The following NHSL2 variants were observed in gnomAD, a reference collection of about 807,000 sequenced individuals.
NHSL2 encodes NHS like 2.
NHSL2 carries 27 observed loss-of-function variants against 53.4 expected under a neutral mutation model. That is an observed-to-expected ratio of 0.51 (90% CI 0.37 to 0.70). The LOEUF (loss-of-function observed/expected upper bound fraction) is 0.70. Among genes scored for constraint, NHSL2 ranks in the 30% least tolerant of loss-of-function variants. NHSL2 has a pLI of 0.00. For missense variants in NHSL2, 892 were observed against 980.1 expected, an observed-to-expected ratio of 0.91 and a Z score of 1.20; for synonymous variants, 408 against 404.1, an observed-to-expected ratio of 1.01 and a Z score of -0.12.
At chrX:71,952,775 C>T (rs1483178977) in intron 1 of NHSL2, among the ~76,000 whole-genome samples, 1 of 110,890 alleles carries the variant, frequency 9.0e-6, no homozygotes. Context: ...CTGTTGGGGT[C>T]CTCTCCCTGA....
intron 1 of NHSL2, among the ~76,000 whole-genome samples, chrX:72,058,247 C>A (rs1316762202): frequency 1.8e-5 from 2 of 112,611 alleles, no homozygotes; most frequent in Admixed American, 9.3e-5. Flanking sequence ...GTATTTGTTA[C>A]CAAAGATAAA....
At chrX:72,103,258 C>T (rs1173690577) in intron 1 of NHSL2, among the ~76,000 whole-genome samples, 1 of 111,057 alleles carries the variant, frequency 9.0e-6, no homozygotes, top group Non-Finnish European at 1.9e-5. Context: ...ATGCATCGCT[C>T]CCTCAATCCC....
intron 1 of NHSL2, among the ~76,000 whole-genome samples, chrX:72,087,905 AC>A (rs2041863778): frequency 9.0e-6 from 1 of 110,651 alleles, no homozygotes; most frequent in Admixed American, 9.6e-5. Context: ...AAAGTTGGAT[AC>A]AAAACTGGTT....
Position 72,138,589 on chromosome X carries a change from T to C in NHSL2, c.1041T>C (p.Thr347=). The part of the protein sequence containing the change: ...FPSLTSPVLR[T]PSSEPDEPHQ... Reference sequence around the variant, plus strand: ...GTCTCACCTCGCCAGTACTGAGAACTCCTTCCAGTGAGCCGGACGAACCTC... The same window carrying C: ...GTCTCACCTCGCCAGTACTGAGAACCCCTTCCAGTGAGCCGGACGAACCTC... Residue 347 remains threonine (T), a synonymous_variant, in exon 6 of 8, where the codon ACT becomes ACC. Transcript: ENST00000633930. The C allele has an allele frequency of 8.6e-7, 1 of 1,167,406 alleles. No homozygotes were observed. The highest frequency in any genetic ancestry group is 1.1e-6 in the Non-Finnish European group (1 of 872,641).
Position 72,003,197 on chromosome X carries a change from G to T in NHSL2, c.280+91830G>T, listed in dbSNP as rs372706173. Among the ~76,000 whole-genome samples the T allele has an allele frequency of 2.1e-4, 23 of 111,562 alleles. No individual in the cohort carries two copies. In the East Asian group the frequency reaches 5.6e-3, roughly 27 times the overall value. On this transcript the variant is annotated intron_variant, in intron 1 of 7. Transcript: ENST00000633930. ...TTGCTGAACAGCTGCAGGAAAATTT[G>T]TCTGGACCTTTGGAGGCAGAGAGGT... is the stretch of plus-strand genomic sequence containing the variant.
chrX:72,080,571 C>CGTGTGT (rs10580313), intron 1 of NHSL2, among the ~76,000 whole-genome samples: 7,430 of 97,027 alleles, frequency 0.077, 235 homozygotes, highest in Non-Finnish European at 0.094. Flanking sequence ...GAATTCTGCA[C>CGTGTGT]GTGTGTGTGT....
chrX:72,137,031 C>T, intron 4 of NHSL2, 63 bp from the exon 5 acceptor site: 1 of 1,048,379 alleles, frequency 9.5e-7, no homozygotes. Context: ...TCTCTCAGGC[C>T]AATTTCCACC....
chrX:72,037,043 T>C (rs1466566498), intron 1 of NHSL2, among the ~76,000 whole-genome samples: 5 of 112,068 alleles, frequency 4.5e-5, no homozygotes, highest in African/African-American at 1.3e-4. Context: ...GATTTTTAAA[T>C]TTTTATCCTG....
At chrX:72,131,695 G>T in intron 1 of NHSL2, 1 of 461,054 alleles carries the variant, frequency 2.2e-6, no homozygotes, top group Non-Finnish European at 3.3e-6. Context: ...CCACCGGGGC[G>T]AGCTCGGAGG....
At chrX:72,026,096 G>A (rs914647649) in intron 1 of NHSL2, among the ~76,000 whole-genome samples, 5 of 112,018 alleles carry the variant, frequency 4.5e-5, no homozygotes, top group African/African-American at 1.3e-4. Context: ...GACCTTTGAC[G>A]TCTATTAACC....
chrX:72,049,837 C>G (rs1393597894), intron 1 of NHSL2, among the ~76,000 whole-genome samples: 2 of 102,687 alleles, frequency 1.9e-5, no homozygotes, highest in Non-Finnish European at 3.9e-5. Context: ...CCATCCACCT[C>G]GTGTCACTCA....
chrX:71,910,957 G>T lies in NHSL2; in HGVS notation c.-131G>T. ...CGTCTTTGGCGCCCGCACGCTCTCC[G>T]GCCCGCGCCCAGGGGCCTGCTACAC... On this transcript the variant is annotated 5_prime_UTR_variant, in exon 1 of 8. Coordinates refer to ENST00000633930, the MANE Select transcript of NHSL2 (RefSeq NM_001013627.3). 1 of 474,195 alleles carries T rather than the reference G, an allele frequency of 2.1e-6. No individual in the cohort carries two copies. Among genetic ancestry groups the T allele is most frequent in the Non-Finnish European group, 2.9e-6 (1 of 342,675 alleles). 39.1% of individuals were successfully genotyped at this position (474,195 alleles called of 1,213,427 possible). A position where few individuals can be genotyped will look rare whatever the true frequency, so the allele number is the denominator to read the frequency against.
intron 1 of NHSL2, among the ~76,000 whole-genome samples, chrX:72,077,750 CTG>C (rs1266580533): frequency 8.9e-6 from 1 of 112,705 alleles, no homozygotes; most frequent in African/African-American, 3.2e-5. Context: ...TGAGATGTGA[CTG>C]TGAAACAGGA....
chrX:72,100,624 G>C (rs7392362), intron 1 of NHSL2, among the ~76,000 whole-genome samples: 1 of 111,084 alleles, frequency 9.0e-6, no homozygotes, highest in Admixed American at 9.5e-5. Flanking sequence ...GATCAGCAGC[G>C]GCATTAGATT....
intron 1 of NHSL2, among the ~76,000 whole-genome samples, chrX:71,979,811 G>A (rs2041966649): frequency 9.0e-6 from 1 of 110,798 alleles, no homozygotes; most frequent in African/African-American, 3.3e-5. Context: ...ATTGCTTTTG[G>A]TGTTTTAGAC....
At chrX:71,955,813 T>C (rs955038183) in intron 1 of NHSL2, among the ~76,000 whole-genome samples, 1 of 109,690 alleles carries the variant, frequency 9.1e-6, no homozygotes, top group Non-Finnish European at 1.9e-5. Context: ...TTTTTTTAGT[T>C]TTCATTCAAT....
intron 1 of NHSL2, among the ~76,000 whole-genome samples, chrX:72,110,532 C>G (rs996659016): frequency 9.1e-6 from 1 of 109,512 alleles, no homozygotes; most frequent in Admixed American, 9.8e-5. Context: ...ATGTTTGCAA[C>G]CCTTTCCCCT....
chrX:72,096,861 G>A (rs983283897), intron 1 of NHSL2, among the ~76,000 whole-genome samples: 18 of 111,720 alleles, frequency 1.6e-4, no homozygotes, highest in African/African-American at 5.9e-4. Context: ...GGGCTCACGC[G>A]ATCGTCCTGC....
intron 1 of NHSL2, among the ~76,000 whole-genome samples, chrX:71,991,900 C>T (rs1288062747): frequency 9.0e-6 from 1 of 111,442 alleles, no homozygotes; most frequent in African/African-American, 3.3e-5. Flanking sequence ...CATAGAGATA[C>T]GCACAGAGGG....
Sources: gnomAD v4.1 joint callset for allele counts (sites outside exome capture counted in the v4.1 genomes callset) on GRCh38, gnomAD v4.1.1 for gene constraint, MANE v1.5 for transcripts, NCBI Gene and HGNC (gene_info 2026-07-23, HGNC 2026-07-21) for gene names.